The following ZNF451 variants were observed in gnomAD, a reference collection of about 807,000 sequenced individuals.
The protein encoded by ZNF451 is zinc finger protein 451.
In ZNF451, 80 loss-of-function variants were observed where a neutral mutation model predicts 107.1. The observed-to-expected ratio is 0.75, with a 90% CI of 0.62 to 0.90. The LOEUF (loss-of-function observed/expected upper bound fraction) is 0.90, where lower values mean the gene tolerates loss of function less well. Ranked by LOEUF, ZNF451 falls within the 40% of genes least tolerant of loss-of-function variation. The probability of loss-of-function intolerance (pLI) is 0.00; values close to 1 mark genes in which losing one functional copy is unlikely to be tolerated. For synonymous variants in ZNF451, 362 were observed against 406.5 expected, an observed-to-expected ratio of 0.89 and a Z score of 1.32; for missense variants, 1,107 against 1,236.2, an observed-to-expected ratio of 0.90 and a Z score of 1.57.
At chr6:57,165,670 T>C (rs993972369) in intron 14 of ZNF451, 6 of 152,302 alleles carry the variant, frequency 3.9e-5, no homozygotes, top group South Asian at 2.1e-4. Context: ...GTTCATACAT[T>C]TTTTTCCTGG....
intron 7 of ZNF451, among the ~76,000 whole-genome samples, chr6:57,139,098 G>A (rs1831623591): frequency 6.6e-6 from 1 of 152,020 alleles, no homozygotes; most frequent in African/African-American, 2.4e-5. Flanking sequence ...GTTACTAAAT[G>A]CCTTTATTGC....
chr6:57,151,993 C>A, intron 11 of ZNF451: 1 of 420,370 alleles, frequency 2.4e-6, no homozygotes, highest in Non-Finnish European at 4.2e-6. Context: ...GCCTAATATC[C>A]ATGTGAGTTT....
In ZNF451 at chr6:57,148,917, G is replaced by C. The variant is rs538909137; in HGVS notation, c.2608+224G>C. 3.0e-4 allele frequency among the ~76,000 whole-genome samples: 45 copies of C among 152,224 alleles called. No homozygotes were observed. The South Asian group carries it at 8.9e-3, about 30-fold the overall frequency. ...TTGGCTTTAAATAATATATATTTTA[G>C]ATATCATTTTATTTTACAAAAGGTG... is the stretch of plus-strand genomic sequence containing the variant. On this transcript the variant is annotated intron_variant, in intron 10 of 14. Coordinates refer to ENST00000370706, the MANE Select transcript of ZNF451 (RefSeq NM_001031623.3).
intron 3 of ZNF451, among the ~76,000 whole-genome samples, chr6:57,111,561 AGTAGAT>A (rs1830117625): frequency 6.6e-6 from 1 of 151,854 alleles, no homozygotes. Flanking sequence ...TTGTATTTTT[AGTAGAT>A]ACAAGATTTC....
Position 57,148,207 on chromosome 6 carries a change from G to A in ZNF451, c.2122G>A (p.Glu708Lys), listed in dbSNP as rs758667701. ...SEKTETSIKT[E>K]DDFPVIETSN... ...AAAAACTGAAACTTCAATTAAAACC[G>A]AAGATGATTTTCCAGTAATAGAGAC... The change falls in exon 10 of 15, where the codon GAA becomes AAA. Residue 708 changes from glutamate to lysine, a missense_variant. Around this residue, in one of 5 missense-constraint regions of ZNF451, gnomAD observed 608 missense variants for 649.2 expected, o/e 0.94. Transcript: ENST00000370706. 3 of 1,613,954 alleles carry A rather than the reference G, an allele frequency of 1.9e-6. No individual in the cohort carries two copies. Among genetic ancestry groups the A allele is most frequent in the Non-Finnish European group, 2.5e-6 (3 of 1,179,940 alleles).
At position 57,148,256 on chromosome 6, in the gene ZNF451, G is replaced by T; in HGVS notation, c.2171G>T (p.Cys724Phe). 6.2e-7 allele frequency: 1 copy of T among 1,613,918 alleles called. No individual in the cohort carries two copies. Among genetic ancestry groups the T allele is most frequent in the Non-Finnish European group, 8.5e-7 (1 of 1,179,936 alleles). The change falls in exon 10 of 15, where the codon TGC becomes TTC. Residue 724 changes from cysteine (C) to phenylalanine (F), a missense_variant. Cys to Phe is a radical substitution (Grantham distance 205, BLOSUM62 -2). Transcript: ENST00000370706. ...ACCAGTAACCAGTTAACTTGTGGTTGCCGTGAGAGTTACATCTGTAAAGTC... is the reference window on the plus strand; with the variant it reads ...ACCAGTAACCAGTTAACTTGTGGTTTCCGTGAGAGTTACATCTGTAAAGTC... ...IETSNQLTCG[C>F]RESYICKVNR... is the part of the protein sequence containing the mutation.
intron 3 of ZNF451, among the ~76,000 whole-genome samples, chr6:57,120,075 A>G (rs1830565478): frequency 6.6e-6 from 1 of 152,148 alleles, no homozygotes; most frequent in Admixed American, 6.5e-5. Flanking sequence ...GTGCCCTGCC[A>G]GTTTATCCCT....
intron 3 of ZNF451, chr6:57,105,787 G>GA: frequency 1.0e-6 from 1 of 985,344 alleles, no homozygotes; most frequent in South Asian, 4.7e-5. Flanking sequence ...TACTTGGTTA[G>GA]AATAAGCAAG....
chr6:57,117,739 G>C (rs1484105644), intron 3 of ZNF451, among the ~76,000 whole-genome samples: 1 of 152,082 alleles, frequency 6.6e-6, no homozygotes, highest in Non-Finnish European at 1.5e-5. Context: ...TATTGCATCA[G>C]ATTCATTTAG....
rs57686708 is a variant in ZNF451 at position 57,146,411 on chromosome 6, A to G, written c.1005-679A>G. On this transcript the variant is annotated intron_variant, in intron 9 of 14. Coordinates refer to ENST00000370706, the MANE Select transcript of ZNF451 (RefSeq NM_001031623.3). The stretch of plus-strand genomic sequence containing the variant: ...TAGAATTTTTATAGTTTCAGGTCTT[A>G]GCCTTTAATCCATCTTGAGTTATTT... Among the ~76,000 whole-genome samples the G allele has an allele frequency of 7.6e-4, 115 of 152,288 alleles. 1 individual carries two copies. The highest frequency in any genetic ancestry group is 2.6e-3 in the African/African-American group (110 of 41,562).
intron 10 of ZNF451, 124 bp downstream of exon 10, chr6:57,148,817 T>C: frequency 1.1e-6 from 1 of 897,804 alleles, no homozygotes; most frequent in Non-Finnish European, 1.6e-6. Context: ...ATTATTATGG[T>C]ATATACATTT....
intron 3 of ZNF451, chr6:57,103,960 A>G (rs1054594702): frequency 1.1e-5 from 11 of 985,234 alleles, no homozygotes; most frequent in African/African-American, 1.7e-5. Context: ...AAATTACTTT[A>G]TCAGTTAATT....
intron 9 of ZNF451, among the ~76,000 whole-genome samples, chr6:57,145,636 C>CT (rs142623639): frequency 3.3e-5 from 5 of 152,090 alleles, no homozygotes; most frequent in Admixed American, 2.0e-4. Flanking sequence ...TGATTTCATT[C>CT]TTTTTTATGA....
chr6:57,108,183 C>T, intron 3 of ZNF451: 16 of 985,386 alleles, frequency 1.6e-5, no homozygotes, highest in Non-Finnish European at 1.8e-5. Context: ...ACCTTAAGTG[C>T]TTCAAGAATT....
intron 7 of ZNF451, among the ~76,000 whole-genome samples, chr6:57,140,669 TAAAAAA>T (rs776362399): frequency 1.6e-4 from 24 of 151,816 alleles, no homozygotes; most frequent in Non-Finnish European, 3.1e-4. Flanking sequence ...ACCCAAAACT[TAAAAAA>T]AGAAAAAAAC....
At chr6:57,091,256 G>A (rs1430611252) in intron 2 of ZNF451, among the ~76,000 whole-genome samples, 1 of 39,414 alleles carries the variant, frequency 2.5e-5, no homozygotes, top group Non-Finnish European at 5.4e-5. Context: ...AAACAGGAAG[G>A]GTTGTGAGAG....
intron 13 of ZNF451, chr6:57,159,441 G>A (rs1763571167): frequency 1.0e-6 from 1 of 975,278 alleles, no homozygotes; most frequent in African/African-American, 1.8e-5. Flanking sequence ...TGTCTAACCT[G>A]TGGCCCACGG....
At chr6:57,102,506 G>C (rs1756681917) in intron 3 of ZNF451, 2 of 991,460 alleles carry the variant, frequency 2.0e-6, no homozygotes, top group Non-Finnish European at 2.4e-6. Context: ...TGTTTACTAA[G>C]ACCAGAGGTA....
At chr6:57,123,263 C>A (rs1830730906) in intron 3 of ZNF451, among the ~76,000 whole-genome samples, 1 of 152,192 alleles carries the variant, frequency 6.6e-6, no homozygotes, top group Admixed American at 6.5e-5. Flanking sequence ...CCTATGTGCC[C>A]ATCATCAGTG....
Sources: allele counts gnomAD v4.1 joint callset (sites outside exome capture counted in the v4.1 genomes callset), GRCh38; gene constraint gnomAD v4.1.1; regional missense constraint gnomAD v4.1.1; transcripts MANE v1.5; gene names NCBI Gene and HGNC (gene_info 2026-07-23, HGNC 2026-07-21).